TACC2: variants seen among roughly 807,000 people sequenced by gnomAD.
The protein encoded by TACC2 is transforming acidic coiled-coil-containing protein 2.
TACC2 carries 137 observed loss-of-function variants against 227.3 expected under a neutral mutation model. The observed-to-expected ratio is 0.60, with a 90% CI of 0.52 to 0.69. The LOEUF (loss-of-function observed/expected upper bound fraction) is 0.69. Ranked by LOEUF, TACC2 falls within the 30% of genes least tolerant of loss-of-function variation. The probability of loss-of-function intolerance (pLI) is 0.00; values close to 1 mark genes in which losing one functional copy is unlikely to be tolerated. For synonymous variants in TACC2, 1,523 were observed against 1,487.5 expected (o/e 1.02, Z -0.55); for missense variants, 3,470 against 3,694.4 (o/e 0.94, Z 1.57).
rs187362269 is a variant in TACC2 at position 122,214,856 on chromosome 10, G to A, written c.7284-535G>A. On this transcript the variant is annotated intron_variant, in intron 9 of 22. Coordinates refer to ENST00000369005, the MANE Select transcript of TACC2 (RefSeq NM_206862.4). ...AGGATTCCACCTAGAAGCCTTCAGA[G>A]CATGGGAATCCATTGAGCTCAAAGA... Among the ~76,000 whole-genome samples the A allele has an allele frequency of 4.1e-3, 622 of 152,270 alleles. 3 individuals carry two copies. The highest frequency in any genetic ancestry group is 4.2e-3 in the Non-Finnish European group (285 of 68,026).
intron 7 of TACC2, among the ~76,000 whole-genome samples, chr10:122,174,344 G>T (rs1221009663): frequency 1.3e-5 from 2 of 152,204 alleles, no homozygotes; most frequent in Non-Finnish European, 2.9e-5. Flanking sequence ...AATAGCTAGT[G>T]GGCAATGGCA....
intron 7 of TACC2, among the ~76,000 whole-genome samples, chr10:122,168,078 A>AT (rs1318682299): frequency 3.1e-5 from 1 of 32,640 alleles, no homozygotes; most frequent in African/African-American, 1.3e-4. Flanking sequence ...TTTTTAAATA[A>AT]TTTTTTGTAG....
chr10:122,026,158 A>T (rs1957971784), intron 2 of TACC2, among the ~76,000 whole-genome samples: 1 of 96,636 alleles, frequency 1.0e-5, no homozygotes, highest in Non-Finnish European at 2.0e-5. Context: ...CTCTACTAAA[A>T]ATCCAAAAAA....
chr10:122,146,579 T>C (rs923590499), intron 7 of TACC2, among the ~76,000 whole-genome samples: 19 of 152,146 alleles, frequency 1.2e-4, no homozygotes, highest in African/African-American at 4.6e-4. Context: ...CCCCTCGTTA[T>C]AGGATACCCT....
At chr10:122,089,180 G>A (rs59026769) in intron 5 of TACC2, among the ~76,000 whole-genome samples, 8,410 of 152,208 alleles carry the variant, frequency 0.055, 254 homozygotes, top group South Asian at 0.12. Context: ...ATACAATTCA[G>A]TGGCTTGTAG....
At chr10:122,220,851 T>C (rs1485783216) in intron 11 of TACC2, among the ~76,000 whole-genome samples, 1 of 152,146 alleles carries the variant, frequency 6.6e-6, no homozygotes, top group Non-Finnish European at 1.5e-5. Flanking sequence ...TTTCTACAGT[T>C]CCCCATTTTA....
At chr10:122,076,042 C>T (rs567510783) in intron 3 of TACC2, among the ~76,000 whole-genome samples, 57 of 152,208 alleles carry the variant, frequency 3.7e-4, no homozygotes, top group Middle Eastern at 3.4e-3. Context: ...TCAGGTGGTC[C>T]GCCCACCTCG....
At chr10:122,148,560 C>A (rs754393469) in intron 7 of TACC2, among the ~76,000 whole-genome samples, 4 of 152,258 alleles carry the variant, frequency 2.6e-5, no homozygotes, top group Non-Finnish European at 4.4e-5. Flanking sequence ...GTGGCTTTGT[C>A]TTCTCTCTTT....
Position 122,150,774 on chromosome 10 carries a change from C to T in TACC2, c.5834+7068C>T, listed in dbSNP as rs1020914334. On this transcript the variant is annotated intron_variant, in intron 7 of 22. Coordinates refer to ENST00000369005, the MANE Select transcript of TACC2 (RefSeq NM_206862.4). The surrounding 1 kb of genome is among the most constrained non-coding windows in gnomAD (Gnocchi z 4.0). The stretch of plus-strand genomic sequence containing the variant: ...TGTCAGGAGAAGGACCTGCTGAGCG[C>T]TGGAGTCTAGGTGGAGTCATGCAGC... 6.6e-6 allele frequency among the ~76,000 whole-genome samples: 1 copy of T among 152,188 alleles called. No homozygotes were observed. The highest frequency in any genetic ancestry group is 1.5e-5 in the Non-Finnish European group (1 of 68,036).
intron 7 of TACC2, among the ~76,000 whole-genome samples, chr10:122,188,000 C>A (rs1355726951): frequency 6.6e-6 from 1 of 152,060 alleles, no homozygotes; most frequent in African/African-American, 2.4e-5. Flanking sequence ...TTGTGGACTG[C>A]TTGCCCTCCC....
chr10:122,129,060 AATTATTATTATT>A (rs34221080), intron 5 of TACC2, among the ~76,000 whole-genome samples: 11 of 128,548 alleles, frequency 8.6e-5, no homozygotes, highest in African/African-American at 2.7e-4. Flanking sequence ...ATCTTATTTT[AATTATTATTATT>A]ATTATTATTA....
At chr10:122,000,104 C>T (rs1214488869) in intron 1 of TACC2, among the ~76,000 whole-genome samples, 9 of 152,204 alleles carry the variant, frequency 5.9e-5, no homozygotes, top group Admixed American at 5.9e-4. Flanking sequence ...TTAGAAAATG[C>T]AAATCGGCTA....
chr10:122,037,153 T>C (rs796626870), intron 2 of TACC2, among the ~76,000 whole-genome samples: 8 of 152,280 alleles, frequency 5.3e-5, no homozygotes, highest in African/African-American at 1.9e-4. Context: ...ATAGGAATAG[T>C]GTAACAGGTA....
intron 16 of TACC2, among the ~76,000 whole-genome samples, chr10:122,234,724 C>T (rs1484115230): frequency 6.6e-6 from 1 of 152,172 alleles, no homozygotes; most frequent in Non-Finnish European, 1.5e-5. Flanking sequence ...CATTATTTTA[C>T]TTATTTTTTT....
intron 1 of TACC2, among the ~76,000 whole-genome samples, chr10:122,019,406 T>C (rs888708727): frequency 8.5e-5 from 13 of 152,164 alleles, no homozygotes; most frequent in Non-Finnish European, 1.5e-5. Context: ...CTGGGAGCAG[T>C]TGGCTTATTT....
chr10:122,035,778 T>G (rs2459068), intron 2 of TACC2, among the ~76,000 whole-genome samples: 125,869 of 151,974 alleles, frequency 0.83, 52,163 homozygotes, highest in Middle Eastern at 0.87. Flanking sequence ...CAACCCTTGA[T>G]AACCTTTTCT....
At chr10:122,053,867 G>A (rs1352147241) in intron 3 of TACC2, among the ~76,000 whole-genome samples, 1 of 152,198 alleles carries the variant, frequency 6.6e-6, no homozygotes, top group Non-Finnish European at 1.5e-5. Context: ...GCATTGACCT[G>A]CAACTCTTTC....
chr10:122,106,013 G>A (rs1171847075), intron 5 of TACC2, among the ~76,000 whole-genome samples: 1 of 144,782 alleles, frequency 6.9e-6, no homozygotes, highest in African/African-American at 2.5e-5. Context: ...TTGAGATGGG[G>A]TCTCGCTCTT....
chr10:122,119,514 G>A lies in TACC2; in HGVS notation c.5574-13095G>A, dbSNP rs187302587. 1.7e-3 allele frequency among the ~76,000 whole-genome samples: 259 copies of A among 152,328 alleles called. 2 individuals carry two copies. Among genetic ancestry groups the A allele is most frequent in the Non-Finnish European group, 2.8e-3 (188 of 68,038 alleles). On this transcript the variant is annotated intron_variant, in intron 5 of 22. Coordinates refer to ENST00000369005, the MANE Select transcript of TACC2 (RefSeq NM_206862.4). ...ATCTTGATCCCAGAGGGGCTGGTCCGTTCAGCTGGCTTTGTGCTGTTTTGA... is the reference window on the plus strand; with the variant it reads ...ATCTTGATCCCAGAGGGGCTGGTCCATTCAGCTGGCTTTGTGCTGTTTTGA...
Sources: gnomAD v4.1 joint callset for allele counts (sites outside exome capture counted in the v4.1 genomes callset) on GRCh38, gnomAD v4.1.1 for gene constraint, Gnocchi (gnomAD v3.1) non-coding constraint, MANE v1.5 for transcripts, NCBI Gene and HGNC (gene_info 2026-07-23, HGNC 2026-07-21) for gene names.